Variants in NTN1 observed in about 807,000 individuals in gnomAD.
The protein encoded by NTN1 is netrin 1.
A neutral mutation model predicts 54.2 loss-of-function variants in NTN1; 11 were observed. The observed-to-expected ratio is 0.20, with a 90% CI of 0.13 to 0.34. NTN1 has a LOEUF of 0.34. Ranked by LOEUF, NTN1 falls within the 10% of genes least tolerant of loss-of-function variation. The pLI is 1.00. For synonymous variants in NTN1, 371 were observed against 382.0 expected (o/e 0.97, Z 0.33); for missense variants, 740 against 893.1 (o/e 0.83, Z 2.18).
chr17:9,053,163 C>T (rs1314792480), intron 2 of NTN1, among the ~76,000 whole-genome samples: 2 of 152,122 alleles, frequency 1.3e-5, no homozygotes, highest in East Asian at 1.9e-4. Flanking sequence ...TGTCTGTGGC[C>T]GCTTTCCATA....
At chr17:9,147,322 G>A (rs148689700) in intron 2 of NTN1, among the ~76,000 whole-genome samples, 5,449 of 152,232 alleles carry the variant, frequency 0.036, 321 homozygotes, top group African/African-American at 0.12. Flanking sequence ...TGGCTAACAC[G>A]GTGAAACCCC....
At chr17:9,157,626 C>A (rs1482667509) in intron 2 of NTN1, among the ~76,000 whole-genome samples, 1 of 152,220 alleles carries the variant, frequency 6.6e-6, no homozygotes, top group Non-Finnish European at 1.5e-5. Context: ...TGAAATGCAG[C>A]CACATGTGAT....
chr17:9,140,800 C>T (rs965558973), intron 2 of NTN1, among the ~76,000 whole-genome samples: 4 of 152,192 alleles, frequency 2.6e-5, no homozygotes, highest in South Asian at 2.1e-4. Flanking sequence ...TCATTACCAC[C>T]GGCCAGCTCT....
rs1397912082 is a variant in NTN1 at position 9,223,242 on chromosome 17, G to C, written c.1486+2000G>C. 2.0e-5 allele frequency among the ~76,000 whole-genome samples: 3 copies of C among 152,294 alleles called. No individual in the cohort carries two copies. The East Asian group carries it at 5.8e-4, about 29-fold the overall frequency. On this transcript the variant is annotated intron_variant, in intron 6 of 6. Transcript: ENST00000173229. ...GCGTCTCCAAGCCAGGAAAGTAGGGGCCCTGGGTTGTTTTGAAAGGAGCTC... is the reference window on the plus strand; with the variant it reads ...GCGTCTCCAAGCCAGGAAAGTAGGGCCCCTGGGTTGTTTTGAAAGGAGCTC...
intron 2 of NTN1, among the ~76,000 whole-genome samples, chr17:9,040,209 C>A (rs1228170460): frequency 6.6e-6 from 1 of 152,138 alleles, no homozygotes; most frequent in Non-Finnish European, 1.5e-5. Flanking sequence ...GTGGTAGATA[C>A]CCTTCCAATT....
rs2091985496 is a variant in NTN1 at position 9,058,344 on chromosome 17, C to A, written c.1018+34953C>A. 3.3e-5 allele frequency among the ~76,000 whole-genome samples: 5 copies of A among 152,252 alleles called. No homozygotes were observed. In the South Asian group the frequency reaches 1.0e-3, roughly 32 times the overall value. On this transcript the variant is annotated intron_variant, in intron 2 of 6. Coordinates refer to ENST00000173229, the MANE Select transcript of NTN1 (RefSeq NM_004822.3). ...TGAAATGCATTTTTGTACTTACCTG[C>A]CTTTTTAAACAGAGCTCAAACATCA...
chr17:9,008,069 T>C, the NTN1 span, among the ~76,000 whole-genome samples: 1 of 152,164 alleles, frequency 6.6e-6, no homozygotes, highest in East Asian at 1.9e-4. Context: ...GTGATCTATC[T>C]GACCCTGAGC....
chr17:9,174,921 A>G (rs970256867), intron 3 of NTN1: 2 of 152,712 alleles, frequency 1.3e-5, no homozygotes, highest in African/African-American at 4.8e-5. Context: ...CCCCTGTCCT[A>G]CCTGAAGCTG....
At chr17:9,139,957 CATTCATCCATCT>C (rs1490385659) in intron 2 of NTN1, among the ~76,000 whole-genome samples, 2 of 152,124 alleles carry the variant, frequency 1.3e-5, no homozygotes. Context: ...ATCATCCATT[CATTCATCCATCT>C]ATCCAAAATA....
chr17:9,154,216 G>A (rs1293495209), intron 2 of NTN1, among the ~76,000 whole-genome samples: 1 of 152,198 alleles, frequency 6.6e-6, no homozygotes, highest in Non-Finnish European at 1.5e-5. Context: ...CCAGACCTTA[G>A]CATGCCCAGG....
intron 2 of NTN1, among the ~76,000 whole-genome samples, chr17:9,139,508 CGCT>C: frequency 1.3e-5 from 2 of 152,270 alleles, no homozygotes; most frequent in Non-Finnish European, 2.9e-5. Context: ...AAGGAGTCCA[CGCT>C]GCCCTCTCAG....
At chr17:9,233,490 A>T (rs1905883637) in intron 6 of NTN1, among the ~76,000 whole-genome samples, 1 of 151,942 alleles carries the variant, frequency 6.6e-6, no homozygotes. Context: ...TACTCCTGCC[A>T]CCAACTTTCT....
chr17:9,051,265 T>C (rs1261470722), intron 2 of NTN1, among the ~76,000 whole-genome samples: 1 of 152,138 alleles, frequency 6.6e-6, no homozygotes, highest in African/African-American at 2.4e-5. Context: ...AGTTCAGAAA[T>C]CCAACTCCTT....
At chr17:9,086,951 T>C (rs2092091923) in intron 2 of NTN1, among the ~76,000 whole-genome samples, 1 of 152,194 alleles carries the variant, frequency 6.6e-6, no homozygotes, top group Admixed American at 6.6e-5. Flanking sequence ...ACTAGCATCA[T>C]GGCAGCTAGC....
intron 6 of NTN1, among the ~76,000 whole-genome samples, chr17:9,228,523 C>T (rs1285193629): frequency 6.6e-6 from 1 of 152,158 alleles, no homozygotes; most frequent in African/African-American, 2.4e-5. Flanking sequence ...CTGCCGCTGG[C>T]TTCTTCCTAC....
intron 5 of NTN1, among the ~76,000 whole-genome samples, chr17:9,193,079 C>CAAAAAAA (rs528295578): frequency 9.4e-6 from 1 of 105,964 alleles, no homozygotes; most frequent in Non-Finnish European, 1.9e-5. Context: ...GACTCTGTCT[C>CAAAAAAA]AAAAAAAAAA....
At chr17:9,205,496 G>T (rs1232248840) in intron 5 of NTN1, among the ~76,000 whole-genome samples, 1 of 152,258 alleles carries the variant, frequency 6.6e-6, no homozygotes, top group Non-Finnish European at 1.5e-5. Context: ...GTTTGGTTGT[G>T]TGCACCTGTA....
upstream of NTN1, among the ~76,000 whole-genome samples, chr17:9,018,559 G>A (rs1357480613): frequency 2.0e-5 from 3 of 150,118 alleles, no homozygotes; most frequent in Non-Finnish European, 3.0e-5. Flanking sequence ...GCTTGAACCC[G>A]GGAGGCAGAG....
chr17:9,071,182 G>C (rs370328385), intron 2 of NTN1, among the ~76,000 whole-genome samples: 1 of 152,132 alleles, frequency 6.6e-6, no homozygotes, highest in Admixed American at 6.5e-5. Context: ...CTCTGTCAGC[G>C]GTCATGAGGG....
Sources: gnomAD v4.1 joint callset for allele counts (sites outside exome capture counted in the v4.1 genomes callset) on GRCh38, gnomAD v4.1.1 for gene constraint, MANE v1.5 for transcripts, NCBI Gene and HGNC (gene_info 2026-07-23, HGNC 2026-07-21) for gene names.